PCDHA1: variants seen among roughly 807,000 people sequenced by gnomAD.
PCDHA1 encodes the protein protocadherin alpha-1.
Under a neutral mutation model 61.3 loss-of-function variants are expected in PCDHA1, and 42 were observed. The observed-to-expected ratio is 0.69, with a 90% CI of 0.54 to 0.89. The LOEUF is 0.89. Ranked by LOEUF, PCDHA1 falls within the 40% of genes least tolerant of loss-of-function variation. The pLI is 0.00. For missense variants in PCDHA1, 1,256 were observed against 1,235.3 expected, an observed-to-expected ratio of 1.02 and a Z score of -0.25; for synonymous variants, 610 against 553.8, an observed-to-expected ratio of 1.10 and a Z score of -1.43.
intron 1 of PCDHA1, among the ~76,000 whole-genome samples, chr5:140,872,315 AAAT>A (rs1554166135): frequency 1.3e-5 from 2 of 152,130 alleles, no homozygotes. Context: ...TGCTTTATGG[AAAT>A]AATATGACTA....
chr5:140,796,776 C>T (rs1554120103), intron 1 of PCDHA1: 1 of 1,614,144 alleles, frequency 6.2e-7, no homozygotes, highest in Non-Finnish European at 8.5e-7. Flanking sequence ...CAGGCTACAA[C>T]GCGTGGCTTT....
At position 140,858,049 on chromosome 5, in the gene PCDHA1, G is replaced by T. The variant is rs181372488; in HGVS notation, c.2394+69365G>T. 54 of 1,597,448 alleles carry T rather than the reference G, an allele frequency of 3.4e-5. 4 individuals carry two copies. Among genetic ancestry groups the T allele is most frequent in the Non-Finnish European group, 4.4e-5 (51 of 1,167,426 alleles). On this transcript the variant is annotated intron_variant, in intron 1 of 3. Coordinates refer to ENST00000504120, the MANE Select transcript of PCDHA1 (RefSeq NM_018900.4). ...CGGCCACGGCCACTGTGCTTGTGTC[G>T]CTTGTGGAGGGCAGCCAGGCACCCA... is the stretch of plus-strand genomic sequence containing the variant.
At chr5:140,928,986 C>G (rs2085702741) in intron 1 of PCDHA1, 1 of 1,613,874 alleles carries the variant, frequency 6.2e-7, no homozygotes, top group East Asian at 2.2e-5. Flanking sequence ...TTCTGGGGTG[C>G]TTACTTTTCT....
intron 3 of PCDHA1, among the ~76,000 whole-genome samples, chr5:140,995,128 C>T (rs2097665772): frequency 6.6e-6 from 1 of 152,146 alleles, no homozygotes; most frequent in African/African-American, 2.4e-5. Context: ...ATGCCTGAAA[C>T]CTCATTTAGT....
At chr5:140,809,001 C>A in intron 1 of PCDHA1, 1 of 1,613,666 alleles carries the variant, frequency 6.2e-7, no homozygotes, top group Non-Finnish European at 8.5e-7. Context: ...GGCTACAACG[C>A]GTGGCTTTCG....
chr5:140,860,649 A>T (rs1256237065), intron 1 of PCDHA1: 2 of 152,282 alleles, frequency 1.3e-5, no homozygotes, highest in Non-Finnish European at 2.9e-5. Context: ...GAAGAAGATA[A>T]GTGAAATAAT....
chr5:140,890,632 T>C (rs561301430), intron 1 of PCDHA1, among the ~76,000 whole-genome samples: 28 of 152,330 alleles, frequency 1.8e-4, no homozygotes, highest in African/African-American at 6.0e-4. Context: ...ATTAAGCATG[T>C]ATCCTTGATA....
At position 140,844,592 on chromosome 5, in the gene PCDHA1, A is replaced by G. The variant is rs2150372335; in HGVS notation, c.2394+55908A>G. 4.7e-5 allele frequency among the ~76,000 whole-genome samples: 7 copies of G among 149,514 alleles called. 1 individual carries two copies. Among genetic ancestry groups the G allele is most frequent in the Admixed American group, 6.7e-5 (1 of 14,904 alleles). On this transcript the variant is annotated intron_variant, in intron 1 of 3. Coordinates refer to ENST00000504120, the MANE Select transcript of PCDHA1 (RefSeq NM_018900.4). ...AATATTCCACATTAAAGTGATATTTAATATATGACTTAGAAAAATGTTTTC... is the reference window on the plus strand; with the variant it reads ...AATATTCCACATTAAAGTGATATTTGATATATGACTTAGAAAAATGTTTTC...
At chr5:140,948,897 T>C (rs1487067374) in intron 1 of PCDHA1, among the ~76,000 whole-genome samples, 1 of 151,680 alleles carries the variant, frequency 6.6e-6, no homozygotes. Context: ...AGATTTTAAG[T>C]GGATTCTTAG....
intron 1 of PCDHA1, chr5:140,882,766 G>C (rs782330844): frequency 6.2e-7 from 1 of 1,614,184 alleles, no homozygotes; most frequent in Non-Finnish European, 8.5e-7. Context: ...GAGTAAACTC[G>C]GCATTGACCT....
chr5:140,877,776 C>A (rs2057336039), intron 1 of PCDHA1: 3 of 1,614,032 alleles, frequency 1.9e-6, no homozygotes, highest in South Asian at 1.1e-5. Context: ...CCAAGACGGA[C>A]CTCATGGCCT....
At chr5:140,985,690 C>G (rs752184454) in intron 3 of PCDHA1, among the ~76,000 whole-genome samples, 1 of 151,742 alleles carries the variant, frequency 6.6e-6, no homozygotes, top group Admixed American at 6.6e-5. Flanking sequence ...TACGCTAATC[C>G]TCGTTCATAT....
intron 1 of PCDHA1, chr5:140,851,253 T>C: frequency 2.8e-6 from 3 of 1,086,078 alleles, no homozygotes; most frequent in Non-Finnish European, 2.3e-6. Context: ...TGATGCATAG[T>C]ATTTTAGTCT....
chr5:140,840,328 T>C lies in PCDHA1; in HGVS notation c.2394+51644T>C, dbSNP rs2150305844. ...TTTTAACTTTGGTCGACTCATTTTCTAGGCAATGTTAGGGTATACAGGTAA... is the reference window on the plus strand; with the variant it reads ...TTTTAACTTTGGTCGACTCATTTTCCAGGCAATGTTAGGGTATACAGGTAA... On this transcript the variant is annotated intron_variant, in intron 1 of 3. Transcript: ENST00000504120. Among the ~76,000 whole-genome samples, 12 of 152,150 alleles carry C rather than the reference T, an allele frequency of 7.9e-5. No individual in the cohort carries two copies. The South Asian group carries it at 2.5e-3, about 32-fold the overall frequency.
intron 3 of PCDHA1, among the ~76,000 whole-genome samples, chr5:141,004,385 G>C (rs1388217607): frequency 6.6e-6 from 1 of 152,192 alleles, no homozygotes; most frequent in Non-Finnish European, 1.5e-5. Flanking sequence ...TGCGGAAGCT[G>C]GACATGTGGA....
In PCDHA1 at chr5:140,851,118, T is replaced by C. The variant is rs1554145256; in HGVS notation, c.2394+62434T>C. Reference sequence around the variant, plus strand: ...TATTTTTTGGGTGCTGAATCAATTTTATTTAAATTTGTGATTAAAGTGACA... The same window carrying C: ...TATTTTTTGGGTGCTGAATCAATTTCATTTAAATTTGTGATTAAAGTGACA... On this transcript the variant is annotated intron_variant, in intron 1 of 3. Transcript: ENST00000504120. 5 of 1,307,406 alleles carry C rather than the reference T, an allele frequency of 3.8e-6. No individual in the cohort carries two copies. The East Asian group carries it at 1.3e-4, about 35-fold the overall frequency. The allele number at this position is 1,307,406 out of a possible 1,614,324, so 81.0% of individuals were successfully genotyped here.
rs149618945 is a variant in PCDHA1, at chr5:140,795,088, G to T, written c.2394+6404G>T. The T allele has an allele frequency of 5.3e-5, 86 of 1,613,878 alleles. No homozygotes were observed. The highest frequency in any genetic ancestry group is 3.3e-4 in the Admixed American group (20 of 60,006). ...CTCCGTCCCCGAGGAGGCCAAACAC[G>T]GCACCTTCGTGGGCCGCATCGCGCA... On this transcript the variant is annotated intron_variant, in intron 1 of 3. Coordinates refer to ENST00000504120, the MANE Select transcript of PCDHA1 (RefSeq NM_018900.4).
intron 1 of PCDHA1, among the ~76,000 whole-genome samples, chr5:140,798,592 T>A (rs1554120704): frequency 6.6e-6 from 1 of 152,228 alleles, no homozygotes; most frequent in African/African-American, 2.4e-5. Context: ...TACTTTTTTC[T>A]GGCATCTAAT....
chr5:140,909,970 G>A (rs76359002), intron 1 of PCDHA1, among the ~76,000 whole-genome samples: 2,125 of 152,312 alleles, frequency 0.014, 45 homozygotes, highest in African/African-American at 0.049. Flanking sequence ...CATGGGGAAG[G>A]ATGGGAGAAA....
Sources: allele counts gnomAD v4.1 joint callset (sites outside exome capture counted in the v4.1 genomes callset), GRCh38; gene constraint gnomAD v4.1.1; transcripts MANE v1.5; gene names NCBI Gene and HGNC (gene_info 2026-07-23, HGNC 2026-07-21).